The following RNF145 variants were observed in gnomAD, a reference collection of about 807,000 sequenced individuals.
RNF145 encodes ring finger protein 145.
RNF145 carries 12 observed loss-of-function variants against 57.3 expected under a neutral mutation model. The ratio of observed to expected loss-of-function variants is 0.21; its 90% confidence interval spans 0.13 to 0.34. The LOEUF is 0.34. Among genes scored for constraint, RNF145 ranks in the 10% least tolerant of loss-of-function variants. The pLI is 1.00. For synonymous variants in RNF145, 262 were observed against 288.3 expected (o/e 0.91, Z 0.92); for missense variants, 429 against 799.0 (o/e 0.54, Z 5.58).
At chr5:159,189,373 T>A (rs971298815) in intron 3 of RNF145, among the ~76,000 whole-genome samples, 1 of 152,226 alleles carries the variant, frequency 6.6e-6, no homozygotes, top group African/African-American at 2.4e-5. Flanking sequence ...TCATTAGCCA[T>A]CAGGGAAATG....
chr5:159,209,577 A>G (rs1028369554), upstream of RNF145: 1 of 1,018,264 alleles, frequency 9.8e-7, no homozygotes, highest in Non-Finnish European at 1.2e-6. Context: ...CGACTTCCGC[A>G]CTCTGCGCCT....
chr5:159,182,819 T>C lies in RNF145; in HGVS notation c.294-768A>G, dbSNP rs1784935309. ...GTACTGGAAGACAGTTTGTCTAAAG[T>C]ATTTTTGGCATCAAAGAAGGGAAGT... On this transcript the variant is annotated intron_variant, in intron 3 of 10. Coordinates refer to ENST00000424310, the MANE Select transcript of RNF145 (RefSeq NM_001199383.2). Among the ~76,000 whole-genome samples the C allele has an allele frequency of 2.0e-5, 3 of 152,274 alleles. No individual in the cohort carries two copies. In the South Asian group the frequency reaches 6.2e-4, roughly 32 times the overall value.
chr5:159,209,755 G>A, upstream of RNF145: 2 of 1,268,118 alleles, frequency 1.6e-6, no homozygotes, highest in African/African-American at 1.5e-5. Context: ...GCGTACTGCA[G>A]AGACACCTGG....
intron 6 of RNF145, among the ~76,000 whole-genome samples, 171 bp downstream of exon 6, chr5:159,173,812 C>A (rs559652702): frequency 1.1e-4 from 16 of 152,288 alleles, no homozygotes; most frequent in Admixed American, 3.9e-4. Context: ...ATTATGTTAG[C>A]ACCTCCCTGC....
Position 159,158,583 on chromosome 5 carries a change from T to C in RNF145, c.*87A>G. The C allele has an allele frequency of 6.8e-7, 1 of 1,477,376 alleles. No individual in the cohort carries two copies. Among genetic ancestry groups the C allele is most frequent in the East Asian group, 2.3e-5 (1 of 43,920 alleles). The allele number at this position is 1,477,376 out of a possible 1,614,324, so 91.5% of individuals were successfully genotyped here. A position where few individuals can be genotyped will look rare whatever the true frequency, so the allele number is the denominator to read the frequency against. On this transcript the variant is annotated 3_prime_UTR_variant, in exon 11 of 11. Coordinates refer to ENST00000424310, the MANE Select transcript of RNF145 (RefSeq NM_001199383.2). The stretch of plus-strand genomic sequence containing the variant: ...GTCAGTTTCCTGCCTGATCATCTCA[T>C]TTTCATTCCTCAAATCAGAACATGA...
chr5:159,182,100 G>T, intron 3 of RNF145, 49 bp from the exon 4 acceptor site: 1 of 1,138,358 alleles, frequency 8.8e-7, no homozygotes, highest in Non-Finnish European at 1.3e-6. Flanking sequence ...CATTCCTAGC[G>T]GAATCACAAT....
chr5:159,173,130 G>T (rs4318763), intron 6 of RNF145, among the ~76,000 whole-genome samples: 1 of 152,094 alleles, frequency 6.6e-6, no homozygotes, highest in East Asian at 1.9e-4. Context: ...CCGAGTCTTA[G>T]AATTATTTTG....
chr5:159,189,229 A>G (rs767830090), intron 3 of RNF145, among the ~76,000 whole-genome samples: 7 of 152,228 alleles, frequency 4.6e-5, no homozygotes, highest in Non-Finnish European at 7.3e-5. Flanking sequence ...ACTTGTATCT[A>G]GAATATATAA....
intron 3 of RNF145, among the ~76,000 whole-genome samples, 153 bp from the exon 4 acceptor site, chr5:159,182,204 C>CT (rs1365486939): frequency 6.6e-6 from 1 of 152,116 alleles, no homozygotes; most frequent in African/African-American, 2.4e-5. Context: ...GCCTTCATCT[C>CT]TGTTTTCTGT....
chr5:159,191,516 G>C (rs1487683086), intron 3 of RNF145, among the ~76,000 whole-genome samples: 1 of 152,104 alleles, frequency 6.6e-6, no homozygotes, highest in Non-Finnish European at 1.5e-5. Flanking sequence ...ATTGAGGCTG[G>C]ACACGATGGT....
At chr5:159,165,087 T>A (rs975623444) in intron 8 of RNF145, among the ~76,000 whole-genome samples, 1 of 147,800 alleles carries the variant, frequency 6.8e-6, no homozygotes, top group African/African-American at 2.6e-5. Context: ...TGTACTGTCA[T>A]CATTTGTCTG....
At chr5:159,194,543 G>A (rs750383519) in intron 3 of RNF145, among the ~76,000 whole-genome samples, 173 bp downstream of exon 3, 3 of 152,204 alleles carry the variant, frequency 2.0e-5, no homozygotes, top group Non-Finnish European at 4.4e-5. Context: ...GAAATAAAAT[G>A]TCAGCATAAA....
chr5:159,199,568 C>G (rs1785591608), intron 2 of RNF145, among the ~76,000 whole-genome samples: 1 of 152,080 alleles, frequency 6.6e-6, no homozygotes, highest in South Asian at 2.1e-4. Context: ...CTAATTTCTA[C>G]CTTGCCAGTT....
At chr5:159,187,549 G>C (rs943209653) in intron 3 of RNF145, among the ~76,000 whole-genome samples, 4 of 151,908 alleles carry the variant, frequency 2.6e-5, no homozygotes, top group Non-Finnish European at 5.9e-5. Context: ...GGCTGGTCTC[G>C]AATGCCTGAC....
chr5:159,193,570 C>T (rs1309653743), intron 3 of RNF145, among the ~76,000 whole-genome samples: 1 of 152,076 alleles, frequency 6.6e-6, no homozygotes, highest in African/African-American at 2.4e-5. Context: ...GAGAATTGAA[C>T]AGTATTTTAA....
intron 6 of RNF145, among the ~76,000 whole-genome samples, 183 bp downstream of exon 6, chr5:159,173,800 T>C (rs1307989515): frequency 2.0e-5 from 3 of 152,184 alleles, no homozygotes; most frequent in Non-Finnish European, 4.4e-5. Flanking sequence ...ATAAACCACA[T>C]TATTATGTTA....
At chr5:159,161,693 CAAT>C in intron 9 of RNF145, 71 bp from the exon 10 acceptor site, 2 of 862,504 alleles carry the variant, frequency 2.3e-6, no homozygotes, top group South Asian at 3.3e-5. Flanking sequence ...AGGCTTTAAA[CAAT>C]AACACATTCC....
intron 2 of RNF145, among the ~76,000 whole-genome samples, chr5:159,198,188 G>A (rs914588770): frequency 6.6e-6 from 1 of 152,002 alleles, no homozygotes; most frequent in Non-Finnish European, 1.5e-5. Flanking sequence ...GCTGCAGTGA[G>A]CTAAGATTGT....
intron 8 of RNF145, among the ~76,000 whole-genome samples, chr5:159,165,901 T>C (rs1353215962): frequency 6.6e-6 from 1 of 152,202 alleles, no homozygotes; most frequent in Non-Finnish European, 1.5e-5. Context: ...TTCCCAGGAT[T>C]CTGGTGAGGT....
Sources: gnomAD v4.1 joint callset for allele counts (sites outside exome capture counted in the v4.1 genomes callset) on GRCh38, gnomAD v4.1.1 for gene constraint, MANE v1.5 for transcripts, NCBI Gene and HGNC (gene_info 2026-07-23, HGNC 2026-07-21) for gene names.